The following FHIT variants were observed in gnomAD, a reference collection of about 807,000 sequenced individuals.
The protein encoded by FHIT is bis(5'-adenosyl)-triphosphatase.
FHIT carries 19 observed loss-of-function variants against 17.9 expected under a neutral mutation model. The observed-to-expected ratio is 1.06, with a 90% CI of 0.74 to 1.56. The LOEUF (loss-of-function observed/expected upper bound fraction) is 1.56, where lower values mean the gene tolerates loss of function less well. Among genes scored for constraint, FHIT ranks in the 40% most tolerant of loss-of-function variants. The pLI is 0.00. For missense variants in FHIT, 248 were observed against 189.2 expected, an observed-to-expected ratio of 1.31 and a Z score of -1.82; for synonymous variants, 81 against 69.7, an observed-to-expected ratio of 1.16 and a Z score of -0.81.
chr3:61,048,335 C>T (rs1442210827), intron 2 of FHIT, among the ~76,000 whole-genome samples: 2 of 152,180 alleles, frequency 1.3e-5, no homozygotes, highest in Non-Finnish European at 2.9e-5. Flanking sequence ...ACAGACAGTT[C>T]TCAAAAGAAG....
At chr3:60,346,767 C>A (rs1197151363) in intron 5 of FHIT, among the ~76,000 whole-genome samples, 1 of 152,064 alleles carries the variant, frequency 6.6e-6, no homozygotes, top group Admixed American at 6.6e-5. Context: ...AGTTTTGAGA[C>A]CTACATCCTT....
intron 8 of FHIT, among the ~76,000 whole-genome samples, chr3:59,862,135 G>A (rs1702434077): frequency 1.3e-5 from 2 of 152,172 alleles, no homozygotes; most frequent in African/African-American, 4.8e-5. Flanking sequence ...AATTTATAAA[G>A]AAAAAGAGGT....
At chr3:61,187,248 T>C (rs181329391) in intron 2 of FHIT, among the ~76,000 whole-genome samples, 111 of 152,186 alleles carry the variant, frequency 7.3e-4, no homozygotes, top group African/African-American at 2.6e-3. Flanking sequence ...AAAAAGGAGA[T>C]TAGGTACATA....
At chr3:60,739,518 G>A (rs1485122411) in intron 4 of FHIT, among the ~76,000 whole-genome samples, 3 of 152,178 alleles carry the variant, frequency 2.0e-5, no homozygotes, top group South Asian at 2.1e-4. Flanking sequence ...CCATGAGTGG[G>A]GCCAGGGAAC....
intron 5 of FHIT, among the ~76,000 whole-genome samples, chr3:60,207,844 G>A (rs896396744): frequency 6.6e-6 from 1 of 152,162 alleles, no homozygotes; most frequent in Admixed American, 6.5e-5. Context: ...TAGGGGTAAT[G>A]TATTCTTAGA....
rs77851291 is a variant in FHIT, at chr3:59,773,794, A to G, written c.349-21473T>C. On this transcript the variant is annotated intron_variant, in intron 8 of 9. Coordinates refer to ENST00000492590, the MANE Select transcript of FHIT (RefSeq NM_002012.4). Reference sequence around the variant, plus strand: ...TCCCAAATGATTCCTCAATACTTTAAAGCTGCCTCGCCCAGGACCTTAGCC... The same window carrying G: ...TCCCAAATGATTCCTCAATACTTTAGAGCTGCCTCGCCCAGGACCTTAGCC... Among the ~76,000 whole-genome samples, 25 of 152,174 alleles carry G rather than the reference A, an allele frequency of 1.6e-4. No individual in the cohort carries two copies. In the East Asian group the frequency reaches 4.8e-3, roughly 29 times the overall value.
rs559094927 is a variant in FHIT at position 61,125,959 on chromosome 3, AG to A, written c.-164+74657del. 5.9e-5 allele frequency among the ~76,000 whole-genome samples: 9 copies of A among 152,336 alleles called. No individual in the cohort carries two copies. In the South Asian group the frequency reaches 1.9e-3, roughly 32 times the overall value. ...GTATTACCTATCCAATTTTATAGATAGGTAACAGGATGGTGAGTTGCTGCTC... is the reference window on the plus strand; with the variant it reads ...GTATTACCTATCCAATTTTATAGATAGTAACAGGATGGTGAGTTGCTGCTC... On this transcript the variant is annotated intron_variant, in intron 2 of 9. Transcript: ENST00000492590.
intron 5 of FHIT, among the ~76,000 whole-genome samples, chr3:60,296,976 T>C (rs943000420): frequency 2.0e-5 from 3 of 151,448 alleles, no homozygotes; most frequent in African/African-American, 7.3e-5. Flanking sequence ...GTTTCTGGGT[T>C]CTCTATTCTG....
chr3:60,656,191 T>C (rs1029147828), intron 4 of FHIT, among the ~76,000 whole-genome samples: 1 of 152,220 alleles, frequency 6.6e-6, no homozygotes, highest in African/African-American at 2.4e-5. Context: ...ACCTCTGAAC[T>C]CCTGTTGTTA....
chr3:59,811,732 A>G (rs1033690248), intron 8 of FHIT, among the ~76,000 whole-genome samples: 9 of 152,212 alleles, frequency 5.9e-5, no homozygotes, highest in African/African-American at 2.2e-4. Flanking sequence ...AGAGAGGAAT[A>G]TATAAGACAG....
chr3:60,314,451 A>G (rs2106775218), intron 5 of FHIT, among the ~76,000 whole-genome samples: 1 of 152,314 alleles, frequency 6.6e-6, no homozygotes, highest in Admixed American at 6.5e-5. Context: ...AACTTCAAAT[A>G]AAATAAGAAA....
chr3:61,037,102 A>G (rs551214520), intron 3 of FHIT, among the ~76,000 whole-genome samples: 39 of 152,068 alleles, frequency 2.6e-4, no homozygotes, highest in African/African-American at 9.4e-4. Context: ...TAGTAGAGAC[A>G]GGGTTTCACC....
chr3:60,599,441 A>T (rs1576948643), intron 4 of FHIT, among the ~76,000 whole-genome samples: 1 of 152,314 alleles, frequency 6.6e-6, no homozygotes, highest in Non-Finnish European at 1.5e-5. Context: ...AAGATAAGAT[A>T]CTTTGAGTAC....
chr3:60,943,440 AT>A (rs1708504039), intron 3 of FHIT, among the ~76,000 whole-genome samples: 1 of 152,148 alleles, frequency 6.6e-6, no homozygotes, highest in Admixed American at 6.5e-5. Flanking sequence ...TTTGAATGAT[AT>A]TTATATGATG....
intron 5 of FHIT, among the ~76,000 whole-genome samples, chr3:60,422,828 G>A (rs1419358228): frequency 3.9e-5 from 6 of 151,988 alleles, no homozygotes; most frequent in Non-Finnish European, 1.5e-5. Flanking sequence ...TCTTAAGAAT[G>A]AGATCCAAAT....
chr3:61,124,315 C>CAGA (rs1408411771), intron 2 of FHIT, among the ~76,000 whole-genome samples: 2 of 152,160 alleles, frequency 1.3e-5, no homozygotes, highest in African/African-American at 4.8e-5. Context: ...ACCAACCAGG[C>CAGA]AGAGAGGCTT....
chr3:60,859,297 G>A (rs1478707520), intron 3 of FHIT, among the ~76,000 whole-genome samples: 2 of 152,116 alleles, frequency 1.3e-5, no homozygotes, highest in African/African-American at 4.8e-5. Context: ...GCTATATCAG[G>A]TAAATTACTA....
chr3:60,613,250 T>C (rs2038841138), intron 4 of FHIT, among the ~76,000 whole-genome samples: 1 of 152,148 alleles, frequency 6.6e-6, no homozygotes, highest in Admixed American at 6.5e-5. Flanking sequence ...AAGTCTCACT[T>C]CACTGAATGA....
At chr3:60,483,380 A>T (rs554860789) in intron 5 of FHIT, among the ~76,000 whole-genome samples, 1 of 152,248 alleles carries the variant, frequency 6.6e-6, no homozygotes, top group Admixed American at 6.5e-5. Flanking sequence ...CAGTGAAAAA[A>T]GAAACTGTAG....
Sources: allele counts gnomAD v4.1 joint callset (sites outside exome capture counted in the v4.1 genomes callset), GRCh38; gene constraint gnomAD v4.1.1; transcripts MANE v1.5; gene names NCBI Gene and HGNC (gene_info 2026-07-23, HGNC 2026-07-21).